TAFA1: variants seen among roughly 807,000 people sequenced by gnomAD.
The protein encoded by TAFA1 is TAFA chemokine like family member 1, also known as chemokine-like protein TAFA-1.
A neutral mutation model predicts 18.5 loss-of-function variants in TAFA1; 4 were observed. That is an observed-to-expected ratio of 0.22 (90% CI 0.11 to 0.49). TAFA1 has a LOEUF of 0.49. Ranked by LOEUF, TAFA1 falls within the 20% of genes least tolerant of loss-of-function variation. The pLI, the probability that TAFA1 is intolerant of heterozygous loss-of-function variation, is 0.98. For synonymous variants in TAFA1, 56 were observed against 55.2 expected, an observed-to-expected ratio of 1.01 and a Z score of -0.06; for missense variants, 147 against 169.0, an observed-to-expected ratio of 0.87 and a Z score of 0.72.
At chr3:68,282,553 T>A (rs534625491) in intron 2 of TAFA1, among the ~76,000 whole-genome samples, 2 of 152,124 alleles carry the variant, frequency 1.3e-5, no homozygotes, top group Non-Finnish European at 2.9e-5. Context: ...TGCGTTCCCT[T>A]GAATGTGAGA....
chr3:68,412,463 G>T (rs1221114692), intron 2 of TAFA1, among the ~76,000 whole-genome samples: 1 of 151,900 alleles, frequency 6.6e-6, no homozygotes, highest in Non-Finnish European at 1.5e-5. Context: ...TGCCATGTTG[G>T]TGTGCTGCAC....
chr3:68,018,590 C>T (rs1192603576), intron 2 of TAFA1, among the ~76,000 whole-genome samples: 1 of 152,150 alleles, frequency 6.6e-6, no homozygotes, highest in African/African-American at 2.4e-5. Context: ...ATTTCCCTAC[C>T]ACATCACAAG....
chr3:68,259,877 C>T (rs1351713311), intron 2 of TAFA1, among the ~76,000 whole-genome samples: 1 of 152,026 alleles, frequency 6.6e-6, no homozygotes. Flanking sequence ...ATCATGTCAT[C>T]TGCAAACAGG....
chr3:68,152,922 T>G (rs761386424), intron 2 of TAFA1, among the ~76,000 whole-genome samples: 28 of 152,022 alleles, frequency 1.8e-4, no homozygotes, highest in Non-Finnish European at 2.4e-4. Context: ...TTTTCCAAAG[T>G]CCTGAAACTA....
At chr3:68,276,735 G>C (rs1303489005) in intron 2 of TAFA1, among the ~76,000 whole-genome samples, 1 of 152,016 alleles carries the variant, frequency 6.6e-6, no homozygotes, top group African/African-American at 2.4e-5. Flanking sequence ...CATCCTGATG[G>C]AGGATCAGAC....
At chr3:68,372,590 C>T (rs567334130) in intron 2 of TAFA1, among the ~76,000 whole-genome samples, 1 of 152,256 alleles carries the variant, frequency 6.6e-6, no homozygotes, top group East Asian at 1.9e-4. Flanking sequence ...AGCATGCAAC[C>T]AGCAGGTGAT....
chr3:68,115,775 T>G (rs181415389), intron 2 of TAFA1, among the ~76,000 whole-genome samples: 94 of 152,338 alleles, frequency 6.2e-4, no homozygotes, highest in East Asian at 5.0e-3. Context: ...TCCTATTTTT[T>G]TGTGTGTGAC....
intron 2 of TAFA1, among the ~76,000 whole-genome samples, chr3:68,345,181 C>A (rs1470279938): frequency 2.0e-5 from 3 of 152,146 alleles, no homozygotes; most frequent in African/African-American, 7.2e-5. Flanking sequence ...AACTGTGAAC[C>A]TCTGGAGATA....
chr3:68,337,132 T>A (rs1322056611), intron 2 of TAFA1, among the ~76,000 whole-genome samples: 1 of 152,216 alleles, frequency 6.6e-6, no homozygotes, highest in Non-Finnish European at 1.5e-5. Context: ...AAGAACTACC[T>A]GAGGCTGGAT....
At chr3:68,535,920 ATAGG>A (rs2106784133) in intron 3 of TAFA1, among the ~76,000 whole-genome samples, 1 of 152,282 alleles carries the variant, frequency 6.6e-6, no homozygotes, top group South Asian at 2.1e-4. Flanking sequence ...TTGTTAAGCT[ATAGG>A]GCATGGGATA....
At chr3:68,382,047 T>C (rs1180358681) in intron 2 of TAFA1, among the ~76,000 whole-genome samples, 1 of 152,240 alleles carries the variant, frequency 6.6e-6, no homozygotes, top group Non-Finnish European at 1.5e-5. Context: ...CATGTGGTTT[T>C]TGTCTTTGGT....
intron 2 of TAFA1, among the ~76,000 whole-genome samples, chr3:68,080,548 T>G (rs188313990): frequency 0.011 from 1,697 of 152,230 alleles, 37 homozygotes; most frequent in African/African-American, 0.038. Context: ...GTCTGTAAAG[T>G]ATTTTATTTC....
chr3:68,202,031 G>A (rs1014911943), intron 2 of TAFA1, among the ~76,000 whole-genome samples: 2 of 151,564 alleles, frequency 1.3e-5, no homozygotes, highest in Admixed American at 6.6e-5. Context: ...TGCAAAAACA[G>A]CACCAAGTCA....
chr3:68,037,108 A>G (rs913008645), intron 2 of TAFA1, among the ~76,000 whole-genome samples: 1 of 152,140 alleles, frequency 6.6e-6, no homozygotes, highest in Non-Finnish European at 1.5e-5. Flanking sequence ...TGTAGAAATA[A>G]TGGTAGCTGT....
chr3:68,383,799 T>A (rs262187), intron 2 of TAFA1, among the ~76,000 whole-genome samples: 95,279 of 151,900 alleles, frequency 0.63, 30,681 homozygotes, highest in East Asian at 1. Context: ...CTGTGAAACC[T>A]TCTGGTCCTG....
intron 3 of TAFA1, among the ~76,000 whole-genome samples, chr3:68,477,870 T>C (rs974425589): frequency 1.1e-4 from 17 of 152,166 alleles, no homozygotes; most frequent in African/African-American, 3.4e-4. Context: ...TATAGAGAGG[T>C]AACTCATTGT....
intron 2 of TAFA1, among the ~76,000 whole-genome samples, chr3:68,220,213 A>G (rs1396218389): frequency 6.6e-6 from 1 of 152,192 alleles, no homozygotes; most frequent in African/African-American, 2.4e-5. Flanking sequence ...GATCACTGAG[A>G]TAGATGTCCT....
chr3:68,268,600 T>G (rs901827779), intron 2 of TAFA1, among the ~76,000 whole-genome samples: 4 of 152,044 alleles, frequency 2.6e-5, no homozygotes, highest in African/African-American at 9.7e-5. Flanking sequence ...AAAGAATGGA[T>G]GAATAGTGGG....
rs139335116 is a variant in TAFA1, at chr3:68,371,558, A to G, written c.119-45722A>G. Among the ~76,000 whole-genome samples the G allele has an allele frequency of 1.6e-3, 242 of 152,294 alleles. 1 individual carries two copies. Among genetic ancestry groups the G allele is most frequent in the Non-Finnish European group, 2.6e-3 (178 of 68,028 alleles). On this transcript the variant is annotated intron_variant, in intron 2 of 4. Transcript: ENST00000478136. ...ATGTCTCTGCAAAGGACATGAATTC[A>G]TTCTTTTTTATGGCTGCATAGTATT...
Sources: allele counts gnomAD v4.1 joint callset (sites outside exome capture counted in the v4.1 genomes callset), GRCh38; gene constraint gnomAD v4.1.1; transcripts MANE v1.5; gene names NCBI Gene and HGNC (gene_info 2026-07-23, HGNC 2026-07-21).